Variants in TBC1D22A observed in about 807,000 individuals in gnomAD.
TBC1D22A encodes the protein putative GTPase activator.
TBC1D22A carries 38 observed loss-of-function variants against 60.2 expected under a neutral mutation model. That is an observed-to-expected ratio of 0.63 (90% CI 0.49 to 0.83). The LOEUF (loss-of-function observed/expected upper bound fraction) is 0.83. Ranked by LOEUF, TBC1D22A falls within the 40% of genes least tolerant of loss-of-function variation. TBC1D22A has a pLI of 0.00. For synonymous variants in TBC1D22A, 302 were observed against 281.7 expected (o/e 1.07, Z -0.72); for missense variants, 628 against 701.0 (o/e 0.90, Z 1.18).
intron 7 of TBC1D22A, among the ~76,000 whole-genome samples, chr22:46,904,105 A>ATCTGTCTGTCTGTCTGTCTGTCTG (rs1347635679): frequency 3.4e-4 from 18 of 53,252 alleles, no homozygotes; most frequent in African/African-American, 1.4e-3. Context: ...AAATCTATCT[A>ATCTGTCTGTCTGTCTGTCTGTCTG]TCTATCTATC....
In TBC1D22A at chr22:46,981,151, G is replaced by GTA. The variant is rs373028632; in HGVS notation, c.1125+6754_1125+6755dup. ...CAGAAAGCATTCCTAGAGACAAAGAGTATCACTGCCAGTGGATACATTTAC... is the reference window on the plus strand; with the variant it reads ...CAGAAAGCATTCCTAGAGACAAAGAGTATATCACTGCCAGTGGATACATTTAC... On this transcript the variant is annotated intron_variant, in intron 9 of 12. Transcript: ENST00000337137. 2.4e-3 allele frequency among the ~76,000 whole-genome samples: 362 copies of GTA among 152,328 alleles called. 1 individual carries two copies. The highest frequency in any genetic ancestry group is 8.1e-3 in the African/African-American group (336 of 41,558).
chr22:46,890,088 G>A (rs571054476), intron 5 of TBC1D22A, among the ~76,000 whole-genome samples: 1 of 152,254 alleles, frequency 6.6e-6, no homozygotes, highest in Non-Finnish European at 1.5e-5. Context: ...GCCCACGCCT[G>A]TAATCCCAGC....
chr22:47,044,278 C>T (rs2062958042), intron 11 of TBC1D22A, among the ~76,000 whole-genome samples: 2 of 152,226 alleles, frequency 1.3e-5, no homozygotes, highest in Non-Finnish European at 2.9e-5. Flanking sequence ...ACTGGCTGGC[C>T]ACTCACTTCC....
chr22:47,075,690 A>G (rs926911978), intron 11 of TBC1D22A, among the ~76,000 whole-genome samples: 1 of 152,226 alleles, frequency 6.6e-6, no homozygotes, highest in Non-Finnish European at 1.5e-5. Flanking sequence ...AGATATTTTA[A>G]ATAAATATTG....
intron 12 of TBC1D22A, among the ~76,000 whole-genome samples, chr22:47,172,719 T>C (rs1295755973): frequency 1.3e-5 from 2 of 152,154 alleles, no homozygotes; most frequent in Non-Finnish European, 2.9e-5. Flanking sequence ...GGTGGCCCCA[T>C]TTTGCAGAGG....
At chr22:46,842,441 C>A (rs2086810552) in intron 4 of TBC1D22A, among the ~76,000 whole-genome samples, 1 of 152,238 alleles carries the variant, frequency 6.6e-6, no homozygotes, top group South Asian at 2.1e-4. Context: ...TAGGTCTCCT[C>A]CATCTCTCTT....
chr22:47,075,797 G>GACAC (rs145664340), intron 11 of TBC1D22A, among the ~76,000 whole-genome samples: 26 of 149,594 alleles, frequency 1.7e-4, no homozygotes, highest in South Asian at 6.3e-4. Flanking sequence ...ATTCATGATT[G>GACAC]ACACACACAC....
intron 8 of TBC1D22A, among the ~76,000 whole-genome samples, chr22:46,948,733 A>G (rs2072709971): frequency 6.6e-6 from 1 of 152,244 alleles, no homozygotes; most frequent in African/African-American, 2.4e-5. Context: ...GCTGAAACGG[A>G]GCCTGCTCCT....
intron 12 of TBC1D22A, among the ~76,000 whole-genome samples, chr22:47,130,136 T>A (rs1193977909): frequency 6.6e-6 from 1 of 152,218 alleles, no homozygotes; most frequent in Non-Finnish European, 1.5e-5. Flanking sequence ...TGGGACAGCA[T>A]GTCACTTTCC....
chr22:47,157,150 G>A (rs1323397302), intron 12 of TBC1D22A, among the ~76,000 whole-genome samples: 1 of 152,222 alleles, frequency 6.6e-6, no homozygotes, highest in East Asian at 1.9e-4. Flanking sequence ...CAGTGCTCCT[G>A]TGTTGGCTCT....
intron 4 of TBC1D22A, among the ~76,000 whole-genome samples, chr22:46,831,976 T>C (rs139602): frequency 0.31 from 47,135 of 152,016 alleles, 7,422 homozygotes; most frequent in South Asian, 0.44. Context: ...ATTATTATTG[T>C]ATCTTTCCAA....
chr22:47,057,025 C>CGTGAGGTCAGGT (rs2063416221), intron 11 of TBC1D22A, among the ~76,000 whole-genome samples: 1 of 152,196 alleles, frequency 6.6e-6, no homozygotes, highest in Non-Finnish European at 1.5e-5. Context: ...GGAGAGAACC[C>CGTGAGGTCAGGT]GTGAGGTCAG....
intron 10 of TBC1D22A, among the ~76,000 whole-genome samples, chr22:47,024,559 A>G (rs2062191417): frequency 6.6e-6 from 1 of 152,148 alleles, no homozygotes; most frequent in Non-Finnish European, 1.5e-5. Context: ...TAGGCTGAAT[A>G]TAGTTTCCAT....
At chr22:46,991,749 C>T (rs1333023536) in intron 9 of TBC1D22A, among the ~76,000 whole-genome samples, 1 of 152,220 alleles carries the variant, frequency 6.6e-6, no homozygotes, top group African/African-American at 2.4e-5. Context: ...GCCTGGGTCT[C>T]ACCGCTGACT....
At chr22:46,791,435 A>G (rs982445715) in intron 1 of TBC1D22A, among the ~76,000 whole-genome samples, 1 of 152,048 alleles carries the variant, frequency 6.6e-6, no homozygotes, top group Non-Finnish European at 1.5e-5. Flanking sequence ...TCATGGTGGC[A>G]TCTTCACTCA....
intron 8 of TBC1D22A, among the ~76,000 whole-genome samples, chr22:46,930,194 C>A (rs1392563078): frequency 6.6e-6 from 1 of 152,148 alleles, no homozygotes; most frequent in Non-Finnish European, 1.5e-5. Flanking sequence ...CCCCATCAGA[C>A]CACGCCGGCC....
chr22:47,016,476 C>T (rs1244271939), intron 10 of TBC1D22A, among the ~76,000 whole-genome samples: 1 of 152,238 alleles, frequency 6.6e-6, no homozygotes, highest in East Asian at 1.9e-4. Flanking sequence ...TTGCCCCAGT[C>T]AGCTTGCTCA....
At chr22:47,139,847 C>T (rs2067014062) in intron 12 of TBC1D22A, among the ~76,000 whole-genome samples, 1 of 152,232 alleles carries the variant, frequency 6.6e-6, no homozygotes, top group South Asian at 2.1e-4. Flanking sequence ...TTGTAATAAA[C>T]TTAATTCCTG....
chr22:47,170,867 A>G (rs61161507), intron 12 of TBC1D22A, among the ~76,000 whole-genome samples: 6 of 136,298 alleles, frequency 4.4e-5, no homozygotes, highest in African/African-American at 1.7e-4. Flanking sequence ...GAGAGAGGAC[A>G]GTCCTGGTGT....
Sources: allele counts gnomAD v4.1 joint callset (sites outside exome capture counted in the v4.1 genomes callset), GRCh38; gene constraint gnomAD v4.1.1; transcripts MANE v1.5; gene names NCBI Gene and HGNC (gene_info 2026-07-23, HGNC 2026-07-21).